Variants in FNDC3B observed in about 807,000 individuals in gnomAD.
The protein encoded by FNDC3B is fibronectin type III domain-containing protein 3B.
In FNDC3B, 12 loss-of-function variants were observed where a neutral mutation model predicts 151.5. The observed-to-expected ratio is 0.08, with a 90% confidence interval of 0.05 to 0.13. The LOEUF is 0.13. Ranked by LOEUF, FNDC3B falls within the 10% of genes least tolerant of loss-of-function variation. The pLI is 1.00. For missense variants in FNDC3B, 1,214 were observed against 1,505.3 expected, an observed-to-expected ratio of 0.81 and a Z score of 3.20; for synonymous variants, 528 against 549.0, an observed-to-expected ratio of 0.96 and a Z score of 0.54.
At chr3:172,214,285 C>T (rs1487642134) in intron 3 of FNDC3B, among the ~76,000 whole-genome samples, 4 of 152,160 alleles carry the variant, frequency 2.6e-5, no homozygotes, top group Non-Finnish European at 5.9e-5. Flanking sequence ...ATTTACTTTC[C>T]GGACCCCTTC....
chr3:172,243,714 T>G (rs930759421), intron 4 of FNDC3B, among the ~76,000 whole-genome samples: 2 of 152,148 alleles, frequency 1.3e-5, no homozygotes, highest in African/African-American at 4.8e-5. Flanking sequence ...CCTTTGTGCA[T>G]GTGTCTTGTA....
At chr3:172,269,330 C>T (rs1039518427) in intron 6 of FNDC3B, among the ~76,000 whole-genome samples, 15 of 152,132 alleles carry the variant, frequency 9.9e-5, no homozygotes, top group African/African-American at 3.4e-4. Flanking sequence ...ATGATCATAG[C>T]TCACTGCAGC....
rs372402626 is a variant in FNDC3B at position 172,337,321 on chromosome 3, A to G, written c.1781-9A>G. On this transcript the variant is annotated splice_polypyrimidine_tract_variant and intron_variant, in intron 15 of 25. Transcript: ENST00000415807. ...TTTATTGCTAATAAGACATTTGGTT[A>G]TTTTCCAGATCCCCCTAAGGACAAT... 8 of 1,584,862 alleles carry G rather than the reference A, an allele frequency of 5.0e-6. No individual in the cohort carries two copies. The highest frequency in any genetic ancestry group is 6.9e-6 in the Non-Finnish European group (8 of 1,157,042).
intron 6 of FNDC3B, among the ~76,000 whole-genome samples, chr3:172,285,244 C>T (rs1046091548): frequency 1.3e-5 from 2 of 152,180 alleles, no homozygotes; most frequent in Admixed American, 6.5e-5. Flanking sequence ...CTAGTCCTGT[C>T]TCACTGTCTC....
At chr3:172,206,991 A>G (rs1725466489) in intron 3 of FNDC3B, among the ~76,000 whole-genome samples, 1 of 152,058 alleles carries the variant, frequency 6.6e-6, no homozygotes, top group Non-Finnish European at 1.5e-5. Context: ...TTTTGTATGT[A>G]TTGGACCTGT....
Position 172,333,181 on chromosome 3 carries a change from T to G in FNDC3B, c.1641+6T>G. On this transcript the variant is annotated splice_donor_region_variant and intron_variant, in intron 14 of 25. Coordinates refer to ENST00000415807, the MANE Select transcript of FNDC3B (RefSeq NM_022763.4). The stretch of plus-strand genomic sequence containing the variant: ...GCACACAGTATAAATTCAGGGTGAG[T>G]CAGTCATTTTGCTACCTGAACTGCT... 6.4e-7 allele frequency: 1 copy of G among 1,569,610 alleles called. No individual in the cohort carries two copies. The highest frequency in any genetic ancestry group is 8.8e-7 in the Non-Finnish European group (1 of 1,139,470).
At chr3:172,139,533 A>G (rs1721518209) in intron 3 of FNDC3B, among the ~76,000 whole-genome samples, 1 of 152,210 alleles carries the variant, frequency 6.6e-6, no homozygotes, top group East Asian at 1.9e-4. Context: ...ATTTGCAACC[A>G]GTTTTTTGAT....
chr3:172,382,312 T>C (rs1735490882), intron 25 of FNDC3B, among the ~76,000 whole-genome samples: 3 of 152,166 alleles, frequency 2.0e-5, no homozygotes, highest in African/African-American at 7.2e-5. Context: ...CACTTTTTGA[T>C]GGGGTGGTTT....
intron 11 of FNDC3B, among the ~76,000 whole-genome samples, chr3:172,327,147 T>C (rs2108280979): frequency 6.6e-6 from 1 of 152,324 alleles, no homozygotes; most frequent in Middle Eastern, 3.4e-3. Context: ...AAGCATAGTG[T>C]GTGACATGCC....
At chr3:172,385,965 G>A (rs1339673750) in intron 25 of FNDC3B, among the ~76,000 whole-genome samples, 3 of 152,084 alleles carry the variant, frequency 2.0e-5, no homozygotes, top group Admixed American at 6.5e-5. Context: ...TAGGTGATTC[G>A]CTTTCTGTTT....
chr3:172,105,609 A>C (rs1197350479), intron 1 of FNDC3B, among the ~76,000 whole-genome samples: 2 of 94,852 alleles, frequency 2.1e-5, no homozygotes, highest in African/African-American at 4.1e-5. Context: ...CCCCATTATT[A>C]TTGTTTTCTT....
At chr3:172,217,128 G>A (rs1372914508) in intron 3 of FNDC3B, among the ~76,000 whole-genome samples, 1 of 152,176 alleles carries the variant, frequency 6.6e-6, no homozygotes, top group African/African-American at 2.4e-5. Context: ...CAATGTCATT[G>A]TGTCCTTGGC....
At position 172,330,732 on chromosome 3, in the gene FNDC3B, T is replaced by TTA; in HGVS notation, c.1554+20_1554+21dup. 6.2e-7 allele frequency: 1 copy of TTA among 1,600,600 alleles called. No homozygotes were observed. The highest frequency in any genetic ancestry group is 8.6e-7 in the Non-Finnish European group (1 of 1,168,796). The stretch of plus-strand genomic sequence containing the variant: ...GATGAAAATGTGAGTTTTACAGATT[T>TTA]TATACTTCTCTGTGTTTTGTACGAG... On this transcript the variant is annotated intron_variant, in intron 13 of 25. Coordinates refer to ENST00000415807, the MANE Select transcript of FNDC3B (RefSeq NM_022763.4).
At chr3:172,070,709 CA>C (rs1717732579) in intron 1 of FNDC3B, among the ~76,000 whole-genome samples, 1 of 152,126 alleles carries the variant, frequency 6.6e-6, no homozygotes, top group South Asian at 2.1e-4. Flanking sequence ...TGAACATAGA[CA>C]AAAGTAGAGA....
At chr3:172,104,711 A>AT (rs1719557025) in intron 1 of FNDC3B, among the ~76,000 whole-genome samples, 2 of 152,168 alleles carry the variant, frequency 1.3e-5, no homozygotes, top group African/African-American at 4.8e-5. Context: ...AAGAAAAGCC[A>AT]TATTCTCACA....
At chr3:172,156,859 G>A (rs1319851291) in intron 3 of FNDC3B, among the ~76,000 whole-genome samples, 3 of 152,058 alleles carry the variant, frequency 2.0e-5, no homozygotes, top group Non-Finnish European at 4.4e-5. Flanking sequence ...ACCTTTTGAG[G>A]TGTGTTTCAT....
intron 3 of FNDC3B, among the ~76,000 whole-genome samples, chr3:172,200,498 CT>C (rs1228467426): frequency 6.6e-6 from 1 of 152,176 alleles, no homozygotes; most frequent in Non-Finnish European, 1.5e-5. Flanking sequence ...CTGTTTTTCA[CT>C]TTCAGTACAG....
chr3:172,216,755 G>T (rs1725998104), intron 3 of FNDC3B, among the ~76,000 whole-genome samples: 1 of 152,122 alleles, frequency 6.6e-6, no homozygotes, highest in Non-Finnish European at 1.5e-5. Context: ...TTCAAACTGG[G>T]GCAAGGTGAT....
At chr3:172,219,119 A>C (rs768434640) in intron 3 of FNDC3B, among the ~76,000 whole-genome samples, 1 of 152,188 alleles carries the variant, frequency 6.6e-6, no homozygotes, top group African/African-American at 2.4e-5. Context: ...GACTTCTACT[A>C]TATCCTAAGG....
Sources: allele counts gnomAD v4.1 joint callset (sites outside exome capture counted in the v4.1 genomes callset), GRCh38; gene constraint gnomAD v4.1.1; transcripts MANE v1.5; gene names NCBI Gene and HGNC (gene_info 2026-07-23, HGNC 2026-07-21).